LRRC4C: variants seen among roughly 807,000 people sequenced by gnomAD.
The protein encoded by LRRC4C is leucine rich repeat containing 4C.
LRRC4C carries 5 observed loss-of-function variants against 33.6 expected under a neutral mutation model. The ratio of observed to expected loss-of-function variants is 0.15; its 90% CI spans 0.08 to 0.31. The LOEUF is 0.31. Ranked by LOEUF, LRRC4C falls within the 10% of genes least tolerant of loss-of-function variation. The pLI, the probability that LRRC4C is intolerant of heterozygous loss-of-function variation, is 1.00. For synonymous variants in LRRC4C, 329 were observed against 302.0 expected (o/e 1.09, Z -0.93); for missense variants, 560 against 796.7 (o/e 0.70, Z 3.58).
At chr11:40,990,866 T>C (rs1342367619) in intron 1 of LRRC4C, among the ~76,000 whole-genome samples, 4 of 152,076 alleles carry the variant, frequency 2.6e-5, no homozygotes, top group African/African-American at 9.7e-5. Flanking sequence ...TTCTGTGTGA[T>C]GAAATGTAAA....
intron 1 of LRRC4C, among the ~76,000 whole-genome samples, chr11:40,972,816 G>A (rs542949276): frequency 1.3e-5 from 2 of 152,246 alleles, no homozygotes; most frequent in East Asian, 3.9e-4. Flanking sequence ...AATTCCAGAT[G>A]AGGTTTGGGT....
intron 3 of LRRC4C, among the ~76,000 whole-genome samples, chr11:40,519,217 T>A (rs573282273): frequency 6.6e-6 from 1 of 152,216 alleles, no homozygotes; most frequent in African/African-American, 2.4e-5. Context: ...TCTGCACATG[T>A]ACCCCAGAAC....
At chr11:40,346,086 T>C (rs1947116480) in intron 3 of LRRC4C, among the ~76,000 whole-genome samples, 1 of 152,208 alleles carries the variant, frequency 6.6e-6, no homozygotes, top group African/African-American at 2.4e-5. Flanking sequence ...AAGGAATGCT[T>C]ATACACTGTT....
intron 3 of LRRC4C, among the ~76,000 whole-genome samples, chr11:40,621,002 C>G (rs1214411126): frequency 6.6e-6 from 1 of 151,636 alleles, no homozygotes; most frequent in Admixed American, 6.6e-5. Flanking sequence ...CAGGTGAGGG[C>G]TGGAGAGTGC....
chr11:41,295,707 T>C (rs922554898), intron 1 of LRRC4C, among the ~76,000 whole-genome samples: 5 of 152,098 alleles, frequency 3.3e-5, no homozygotes, highest in African/African-American at 1.2e-4. Context: ...GATCATATCA[T>C]ATCATGTCTT....
At chr11:41,215,154 C>T (rs994123103) in intron 1 of LRRC4C, among the ~76,000 whole-genome samples, 76 of 151,170 alleles carry the variant, frequency 5.0e-4, no homozygotes, top group Non-Finnish European at 1.6e-4. Flanking sequence ...AATAATCACC[C>T]ATATCTAATT....
At chr11:40,566,457 T>C (rs929331756) in intron 3 of LRRC4C, among the ~76,000 whole-genome samples, 2 of 152,068 alleles carry the variant, frequency 1.3e-5, no homozygotes. Context: ...TCTTTAATAA[T>C]AGAGGGTGAT....
intron 3 of LRRC4C, among the ~76,000 whole-genome samples, chr11:40,361,042 A>G (rs1375697265): frequency 6.6e-6 from 1 of 152,240 alleles, no homozygotes; most frequent in Admixed American, 6.5e-5. Flanking sequence ...GATATAGTTC[A>G]ACATCCTTCA....
intron 3 of LRRC4C, among the ~76,000 whole-genome samples, chr11:40,577,857 A>G: frequency 8.9e-6 from 1 of 112,912 alleles, no homozygotes; most frequent in South Asian, 2.7e-4. Flanking sequence ...TTTTTTTGAG[A>G]CGGAGTCTCG....
intron 3 of LRRC4C, among the ~76,000 whole-genome samples, chr11:40,606,777 G>A (rs78719770): frequency 5.3e-4 from 81 of 152,048 alleles, no homozygotes; most frequent in African/African-American, 1.8e-3. Context: ...AATGAAAGGA[G>A]GAGAAAGCTA....
intron 1 of LRRC4C, among the ~76,000 whole-genome samples, chr11:41,099,720 C>T (rs2135598682): frequency 6.6e-6 from 1 of 152,114 alleles, no homozygotes; most frequent in African/African-American, 2.4e-5. Context: ...TATGACAAAC[C>T]CACAGTGAAC....
chr11:41,050,581 T>C (rs936664659), intron 1 of LRRC4C, among the ~76,000 whole-genome samples: 1 of 152,166 alleles, frequency 6.6e-6, no homozygotes, highest in African/African-American at 2.4e-5. Flanking sequence ...CTGAGAATGA[T>C]GGTTTCCAGC....
chr11:40,147,987 A>G (rs1287162624), intron 5 of LRRC4C, among the ~76,000 whole-genome samples: 2 of 152,160 alleles, frequency 1.3e-5, no homozygotes, highest in African/African-American at 4.8e-5. Flanking sequence ...AAGTAAGAAC[A>G]TGCAATATTT....
intron 1 of LRRC4C, among the ~76,000 whole-genome samples, chr11:41,273,273 C>T (rs182352194): frequency 5.9e-5 from 9 of 152,150 alleles, no homozygotes; most frequent in Admixed American, 6.5e-5. Context: ...ATCCCACTTC[C>T]GGTTATGTAT....
chr11:40,219,936 GT>G (rs1293572593), intron 5 of LRRC4C, among the ~76,000 whole-genome samples: 1 of 152,160 alleles, frequency 6.6e-6, no homozygotes, highest in East Asian at 1.9e-4. Context: ...GCTAACAGAT[GT>G]GTTAACTTGC....
intron 2 of LRRC4C, among the ~76,000 whole-genome samples, chr11:40,933,333 C>G (rs937155410): frequency 6.6e-6 from 1 of 152,230 alleles, no homozygotes; most frequent in Non-Finnish European, 1.5e-5. Flanking sequence ...GCAGCAACCC[C>G]ACACTCACCA....
chr11:41,037,224 C>T (rs1271013481), intron 1 of LRRC4C, among the ~76,000 whole-genome samples: 1 of 151,178 alleles, frequency 6.6e-6, no homozygotes, highest in Non-Finnish European at 1.5e-5. Context: ...AAATCAACTC[C>T]TGATTCATGG....
chr11:41,214,775 A>G (rs1190766203), intron 1 of LRRC4C, among the ~76,000 whole-genome samples: 4 of 143,636 alleles, frequency 2.8e-5, no homozygotes, highest in African/African-American at 1.1e-4. Flanking sequence ...ATATATATAT[A>G]CACACATATA....
intron 1 of LRRC4C, among the ~76,000 whole-genome samples, chr11:41,187,412 C>A (rs1459089259): frequency 1.3e-5 from 2 of 152,110 alleles, no homozygotes; most frequent in African/African-American, 4.8e-5. Flanking sequence ...CCCAGCAGAC[C>A]ACAGACCAGT....
Sources: allele counts gnomAD v4.1 joint callset (sites outside exome capture counted in the v4.1 genomes callset), GRCh38; gene constraint gnomAD v4.1.1; transcripts MANE v1.5; gene names NCBI Gene and HGNC (gene_info 2026-07-23, HGNC 2026-07-21).